The following ANTXR1 variants were observed in gnomAD, a reference collection of about 807,000 sequenced individuals.
ANTXR1 encodes ANTXR cell adhesion molecule 1.
In ANTXR1, 19 loss-of-function variants were observed where a neutral mutation model predicts 78.1. The ratio of observed to expected loss-of-function variants is 0.24; its 90% CI spans 0.17 to 0.36. ANTXR1 has a LOEUF of 0.36. Ranked by LOEUF, ANTXR1 falls within the 10% of genes least tolerant of loss-of-function variation. ANTXR1 has a pLI of 1.00. For synonymous variants in ANTXR1, 273 were observed against 260.5 expected, an observed-to-expected ratio of 1.05 and a Z score of -0.46; for missense variants, 518 against 718.6, an observed-to-expected ratio of 0.72 and a Z score of 3.19.
intron 12 of ANTXR1, among the ~76,000 whole-genome samples, chr2:69,132,632 C>A (rs1165079276): frequency 6.6e-6 from 1 of 152,124 alleles, no homozygotes; most frequent in African/African-American, 2.4e-5. Context: ...ACATTTTTGT[C>A]TTCTATTTCT....
intron 16 of ANTXR1, among the ~76,000 whole-genome samples, chr2:69,183,587 T>TTTTG (rs1674338333): frequency 1.4e-5 from 2 of 140,570 alleles, no homozygotes; most frequent in African/African-American, 5.7e-5. Flanking sequence ...TTTTTTTTTT[T>TTTTG]TTTTTTTTTT....
intron 13 of ANTXR1, among the ~76,000 whole-genome samples, chr2:69,165,449 T>A (rs1454619117): frequency 6.6e-6 from 1 of 152,248 alleles, no homozygotes; most frequent in Non-Finnish European, 1.5e-5. Context: ...TGCCATGAGA[T>A]GAGCATTTGT....
chr2:69,152,430 C>T (rs1296808236), intron 13 of ANTXR1, among the ~76,000 whole-genome samples, 166 bp downstream of exon 13: 2 of 152,168 alleles, frequency 1.3e-5, no homozygotes, highest in African/African-American at 4.8e-5. Context: ...ATCAATGGAA[C>T]CATGAGTCAC....
intron 6 of ANTXR1, among the ~76,000 whole-genome samples, chr2:69,074,239 A>G (rs1277585333): frequency 6.6e-6 from 1 of 152,232 alleles, no homozygotes; most frequent in African/African-American, 2.4e-5. Context: ...AGGTAATATG[A>G]CAGACACTCC....
At chr2:69,129,722 G>A (rs1374930974) in intron 12 of ANTXR1, among the ~76,000 whole-genome samples, 5 of 151,342 alleles carry the variant, frequency 3.3e-5, no homozygotes, top group African/African-American at 4.9e-5. Flanking sequence ...CTGCACTCCA[G>A]CCTGGTAACA....
At chr2:69,022,983 C>T (rs1435592476) in intron 1 of ANTXR1, among the ~76,000 whole-genome samples, 1 of 152,194 alleles carries the variant, frequency 6.6e-6, no homozygotes, top group East Asian at 1.9e-4. Context: ...CAGGACACTC[C>T]TTTGCTTCCT....
intron 10 of ANTXR1, among the ~76,000 whole-genome samples, chr2:69,115,013 A>G (rs1672095950): frequency 6.6e-6 from 1 of 152,192 alleles, no homozygotes; most frequent in Non-Finnish European, 1.5e-5. Flanking sequence ...CAGGTTTTCT[A>G]ACCTCAACAC....
At chr2:69,087,972 T>A (rs1467771836) in intron 8 of ANTXR1, among the ~76,000 whole-genome samples, 1 of 152,114 alleles carries the variant, frequency 6.6e-6, no homozygotes, top group Admixed American at 6.6e-5. Context: ...ATCCTGCCCA[T>A]CCCCCTCACT....
chr2:69,195,189 GA>G lies in ANTXR1; in HGVS notation c.1434+1785del, dbSNP rs570286585. Among the ~76,000 whole-genome samples, 905 of 124,502 alleles carry G rather than the reference GA, an allele frequency of 7.3e-3. 24 individuals carry two copies. The highest frequency in any genetic ancestry group is 0.028 in the African/African-American group (659 of 23,832). 81.7% of individuals were successfully genotyped at this position (124,502 alleles called of 152,430 possible). A position where few individuals can be genotyped will look rare whatever the true frequency, so the allele number is the denominator to read the frequency against. On this transcript the variant is annotated intron_variant, in intron 17 of 17. Transcript: ENST00000303714. ...CTCAAAAAAAAAGAAAAAAGAAAAA[GA>G]AAAAAAAAAATGCTCAATCAATGAC... is the stretch of plus-strand genomic sequence containing the variant.
At chr2:69,107,950 A>G (rs910385034) in intron 10 of ANTXR1, among the ~76,000 whole-genome samples, 1 of 152,236 alleles carries the variant, frequency 6.6e-6, no homozygotes, top group Admixed American at 6.5e-5. Context: ...TAAAGTTCAG[A>G]AGAAAAAAAG....
At chr2:69,123,881 G>T (rs1423797985) in intron 11 of ANTXR1, among the ~76,000 whole-genome samples, 4 of 152,092 alleles carry the variant, frequency 2.6e-5, no homozygotes, top group African/African-American at 9.7e-5. Flanking sequence ...AGGCTTTAAG[G>T]GAAAAAAGTT....
intron 17 of ANTXR1, among the ~76,000 whole-genome samples, chr2:69,227,132 CT>C (rs912605536): frequency 3.3e-5 from 5 of 152,120 alleles, no homozygotes; most frequent in Admixed American, 6.5e-5. Flanking sequence ...TAACTTCATG[CT>C]TTTTTTTACT....
chr2:69,047,221 C>T (rs769587794), intron 3 of ANTXR1, among the ~76,000 whole-genome samples: 11 of 152,020 alleles, frequency 7.2e-5, no homozygotes, highest in African/African-American at 1.5e-4. Context: ...TGACTGTATT[C>T]GCATTCAGTT....
chr2:69,043,362 G>A (rs1028354549), intron 2 of ANTXR1, among the ~76,000 whole-genome samples: 23 of 152,270 alleles, frequency 1.5e-4, no homozygotes, highest in South Asian at 4.2e-4. Context: ...GAGATCATAC[G>A]TGCAAATCAC....
Position 69,013,775 on chromosome 2 carries a change from C to T in ANTXR1, c.152+124C>T, listed in dbSNP as rs1258362588. 6.7e-7 allele frequency: 1 copy of T among 1,485,794 alleles called. No homozygotes were observed. The highest frequency in any genetic ancestry group is 9.2e-7 in the Non-Finnish European group (1 of 1,091,290). The allele number at this position is 1,485,794 out of a possible 1,614,324, so 92.0% of individuals were successfully genotyped here. On this transcript the variant is annotated intron_variant, in intron 1 of 17. Coordinates refer to ENST00000303714, the MANE Select transcript of ANTXR1 (RefSeq NM_032208.3). The surrounding 1 kb of genome is among the most constrained non-coding windows in gnomAD (Gnocchi z 5.0). ...CGCATCTCCAGGGCCACAGAGGGAC[C>T]GCGCGGCAGGCGGCGGCGGAGTGCT...
chr2:69,197,573 C>G (rs1674693880), intron 17 of ANTXR1, among the ~76,000 whole-genome samples: 1 of 152,186 alleles, frequency 6.6e-6, no homozygotes, highest in Non-Finnish European at 1.5e-5. Context: ...GTGAACCTAG[C>G]TTGGTAATAT....
chr2:69,073,034 C>T lies in ANTXR1; in HGVS notation c.425C>T (p.Ala142Val). Reference sequence around the variant, plus strand: ...TTGTGTTAAACAGGGTACAGGACAGCCAGCGTCATCATTGCTTTGACTGAT... The same window carrying T: ...TTGTGTTAAACAGGGTACAGGACAGTCAGCGTCATCATTGCTTTGACTGAT... ...YYENRQGYRT[A>V]SVIIALTDGE... The change falls in exon 6 of 18, where the codon GCC (alanine) becomes GTC (valine). Residue 142 changes from alanine to valine, a missense_variant. By Grantham distance (64) the Ala-to-Val change is moderately conservative (BLOSUM62 0). Around this residue, in one of 5 missense-constraint regions of ANTXR1, gnomAD observed 264 missense variants for 391.8 expected, o/e 0.67. Transcript: ENST00000303714. 6.2e-7 allele frequency: 1 copy of T among 1,614,016 alleles called. No individual in the cohort carries two copies. Among genetic ancestry groups the T allele is most frequent in the Non-Finnish European group, 8.5e-7 (1 of 1,179,894 alleles).
chr2:69,095,165 ATTCT>A (rs1671358853), intron 9 of ANTXR1, among the ~76,000 whole-genome samples: 1 of 151,960 alleles, frequency 6.6e-6, no homozygotes, highest in Non-Finnish European at 1.5e-5. Context: ...TCATGGATTC[ATTCT>A]TTCTTTCATT....
intron 13 of ANTXR1, among the ~76,000 whole-genome samples, chr2:69,167,712 G>A (rs182695391): frequency 2.6e-5 from 4 of 152,312 alleles, no homozygotes; most frequent in East Asian, 1.9e-4. Flanking sequence ...ACCAGAAGCC[G>A]AACCAGTGAG....
Sources: allele counts gnomAD v4.1 joint callset (sites outside exome capture counted in the v4.1 genomes callset), GRCh38; gene constraint gnomAD v4.1.1; regional missense constraint gnomAD v4.1.1; non-coding constraint Gnocchi (gnomAD v3.1); transcripts MANE v1.5; gene names NCBI Gene and HGNC (gene_info 2026-07-23, HGNC 2026-07-21).